The following RIC8B variants were observed in gnomAD, a reference collection of about 807,000 sequenced individuals.
RIC8B encodes RIC8 guanine nucleotide exchange factor B.
In RIC8B, 16 loss-of-function variants were observed where a neutral mutation model predicts 57.5. The observed-to-expected ratio is 0.28, with a 90% confidence interval of 0.19 to 0.42. The LOEUF is 0.42. Among genes scored for constraint, RIC8B ranks in the 10% least tolerant of loss-of-function variants. The pLI is 1.00. For synonymous variants in RIC8B, 216 were observed against 250.8 expected (o/e 0.86, Z 1.31); for missense variants, 481 against 677.0 (o/e 0.71, Z 3.21).
At chr12:106,825,472 G>T (rs912827686) in intron 3 of RIC8B, among the ~76,000 whole-genome samples, 4 of 152,180 alleles carry the variant, frequency 2.6e-5, no homozygotes, top group African/African-American at 9.7e-5. Flanking sequence ...ATGAAAAAAA[G>T]TCTCTAGCGG....
At chr12:106,832,338 C>T (rs1001945231) in intron 4 of RIC8B, among the ~76,000 whole-genome samples, 6 of 152,154 alleles carry the variant, frequency 3.9e-5, no homozygotes, top group Admixed American at 6.5e-5. Context: ...GAGGCCAAGG[C>T]GGGTGGATCG....
chr12:106,813,094 G>C (rs146251928), intron 2 of RIC8B, among the ~76,000 whole-genome samples: 2 of 151,186 alleles, frequency 1.3e-5, no homozygotes, highest in African/African-American at 4.9e-5. Flanking sequence ...AACGATTTAC[G>C]TAGCATTTAC....
intron 7 of RIC8B, among the ~76,000 whole-genome samples, chr12:106,854,808 G>A (rs1195707681): frequency 4.0e-5 from 6 of 151,888 alleles, no homozygotes; most frequent in Non-Finnish European, 5.9e-5. Flanking sequence ...AAAGAAAGAG[G>A]TAAGAGAGAA....
intron 2 of RIC8B, among the ~76,000 whole-genome samples, chr12:106,805,457 ACTGC>A (rs1462347089): frequency 6.6e-6 from 1 of 152,156 alleles, no homozygotes; most frequent in Non-Finnish European, 1.5e-5. Flanking sequence ...TAATGGCACC[ACTGC>A]ACTCCAGCCT....
At chr12:106,813,433 G>A (rs1024197512) in intron 2 of RIC8B, among the ~76,000 whole-genome samples, 19 of 151,960 alleles carry the variant, frequency 1.3e-4, no homozygotes, top group Non-Finnish European at 2.5e-4. Flanking sequence ...CTCATGTTCC[G>A]CCTTCCTCAG....
chr12:106,791,118 G>C (rs2044243257), intron 2 of RIC8B, among the ~76,000 whole-genome samples: 1 of 152,138 alleles, frequency 6.6e-6, no homozygotes, highest in South Asian at 2.1e-4. Flanking sequence ...CTATAAAGTA[G>C]AATCCCAAGC....
At chr12:106,853,450 AG>A (rs1949562746) in intron 7 of RIC8B, among the ~76,000 whole-genome samples, 1 of 69,492 alleles carries the variant, frequency 1.4e-5, no homozygotes, top group Non-Finnish European at 2.8e-5. Context: ...TCTGCTTTAT[AG>A]TCTTTTTTTT....
At chr12:106,865,607 C>A (rs1443053753) in intron 8 of RIC8B, among the ~76,000 whole-genome samples, 1 of 152,096 alleles carries the variant, frequency 6.6e-6, no homozygotes, top group Non-Finnish European at 1.5e-5. Context: ...AATCTAATTA[C>A]CCTTTTTATT....
At chr12:106,850,564 A>T (rs1433042266) in intron 6 of RIC8B, among the ~76,000 whole-genome samples, 1 of 152,170 alleles carries the variant, frequency 6.6e-6, no homozygotes, top group African/African-American at 2.4e-5. Flanking sequence ...TCTATTTGCC[A>T]TTACTTTTAA....
intron 2 of RIC8B, among the ~76,000 whole-genome samples, chr12:106,785,856 A>C (rs1401469868): frequency 4.5e-5 from 6 of 134,576 alleles, no homozygotes; most frequent in Non-Finnish European, 6.5e-5. Flanking sequence ...TGTATAAAGT[A>C]TATAAATTAT....
chr12:106,822,363 A>C (rs145209075), intron 3 of RIC8B: 1 of 152,320 alleles, frequency 6.6e-6, no homozygotes, highest in African/African-American at 2.4e-5. Flanking sequence ...AGTACCTGGT[A>C]AAGATTGACA....
At chr12:106,780,406 G>C (rs2043713272) in intron 1 of RIC8B, among the ~76,000 whole-genome samples, 1 of 152,224 alleles carries the variant, frequency 6.6e-6, no homozygotes, top group South Asian at 2.1e-4. Flanking sequence ...ACTGCTGGCA[G>C]TGAGGTCTTC....
At chr12:106,846,799 A>C (rs1225497765) in intron 6 of RIC8B, among the ~76,000 whole-genome samples, 3 of 152,164 alleles carry the variant, frequency 2.0e-5, no homozygotes, top group Non-Finnish European at 4.4e-5. Flanking sequence ...GTCATTATAA[A>C]AGATTATGTG....
chr12:106,843,274 A>G (rs1440962226), intron 5 of RIC8B, among the ~76,000 whole-genome samples: 2 of 152,150 alleles, frequency 1.3e-5, no homozygotes, highest in Non-Finnish European at 2.9e-5. Flanking sequence ...TTTGTCAGGT[A>G]TCTGTATTAA....
chr12:106,872,609 G>A (rs1157166995), intron 9 of RIC8B, among the ~76,000 whole-genome samples: 3 of 151,022 alleles, frequency 2.0e-5, no homozygotes, highest in Admixed American at 6.6e-5. Context: ...CGGAGGTTGC[G>A]GTGAACCAAG....
At chr12:106,804,758 T>C (rs2044928051) in intron 2 of RIC8B, among the ~76,000 whole-genome samples, 1 of 152,202 alleles carries the variant, frequency 6.6e-6, no homozygotes, top group Admixed American at 6.5e-5. Context: ...CCAAAGCTGA[T>C]AAAAGAGAGA....
chr12:106,812,684 A>G (rs1169839540), intron 2 of RIC8B, among the ~76,000 whole-genome samples: 1 of 152,208 alleles, frequency 6.6e-6, no homozygotes, highest in African/African-American at 2.4e-5. Context: ...AGCAGTATGT[A>G]GAATGTATTT....
intron 3 of RIC8B, among the ~76,000 whole-genome samples, chr12:106,824,730 T>C (rs1284649141): frequency 6.6e-6 from 1 of 151,604 alleles, no homozygotes; most frequent in Non-Finnish European, 1.5e-5. Flanking sequence ...ACCCTGTCTC[T>C]ACTAAAAATA....
intron 3 of RIC8B, among the ~76,000 whole-genome samples, chr12:106,819,164 T>C (rs774179403): frequency 5.3e-5 from 8 of 152,210 alleles, no homozygotes; most frequent in Non-Finnish European, 8.8e-5. Flanking sequence ...TTAGTCTTTT[T>C]TCTTCACAAT....
Sources: allele counts gnomAD v4.1 joint callset (sites outside exome capture counted in the v4.1 genomes callset), GRCh38; gene constraint gnomAD v4.1.1; transcripts MANE v1.5; gene names NCBI Gene and HGNC (gene_info 2026-07-23, HGNC 2026-07-21).